The following MYLIP variants were observed in gnomAD, a reference collection of about 807,000 sequenced individuals.
MYLIP encodes myosin regulatory light chain interacting protein.
Under a neutral mutation model 45.8 loss-of-function variants are expected in MYLIP, and 26 were observed. The observed-to-expected ratio is 0.57, with a 90% CI of 0.42 to 0.79. The LOEUF (loss-of-function observed/expected upper bound fraction) is 0.79, where lower values mean the gene tolerates loss of function less well. MYLIP is among the 30% of genes least tolerant of loss of function. The probability of loss-of-function intolerance (pLI) is 0.00; values close to 1 mark genes in which losing one functional copy is unlikely to be tolerated. For synonymous variants in MYLIP, 213 were observed against 218.1 expected (o/e 0.98, Z 0.21); for missense variants, 494 against 555.6 (o/e 0.89, Z 1.11).
At chr6:16,155,923 T>TG in the MYLIP span, among the ~76,000 whole-genome samples, 2 of 152,136 alleles carry the variant, frequency 1.3e-5, no homozygotes, top group Admixed American at 1.3e-4. Flanking sequence ...TCTGCACCTG[T>TG]GGCACTGAGC....
downstream of MYLIP, among the ~76,000 whole-genome samples, chr6:16,151,054 C>G (rs1272243597): frequency 1.3e-5 from 2 of 151,976 alleles, no homozygotes; most frequent in African/African-American, 4.8e-5. Context: ...AATTTCCAAA[C>G]ACATGCATTA....
At chr6:16,139,246 C>T (rs1352081879) in intron 2 of MYLIP, among the ~76,000 whole-genome samples, 2 of 152,060 alleles carry the variant, frequency 1.3e-5, no homozygotes, top group Non-Finnish European at 2.9e-5. Context: ...AATAAAAATA[C>T]AAAAATTAGA....
At chr6:16,145,511 C>A (rs1269878839) in intron 6 of MYLIP, among the ~76,000 whole-genome samples, 194 bp downstream of exon 6, 2 of 152,172 alleles carry the variant, frequency 1.3e-5, no homozygotes, top group Non-Finnish European at 2.9e-5. Flanking sequence ...CTATTTTCAA[C>A]AACATAATTA....
At chr6:16,146,091 G>C (rs1232651885) in intron 6 of MYLIP, among the ~76,000 whole-genome samples, 1 of 152,196 alleles carries the variant, frequency 6.6e-6, no homozygotes, top group African/African-American at 2.4e-5. Flanking sequence ...GCAGTCATAG[G>C]CTTGTCTTTT....
At chr6:16,148,711 A>T (rs892340719), downstream of MYLIP, among the ~76,000 whole-genome samples, 17 of 152,128 alleles carry the variant, frequency 1.1e-4, no homozygotes, top group Admixed American at 1.0e-3. Flanking sequence ...AAGACAGGGG[A>T]GTGGCCTGGG....
At chr6:16,152,957 T>A (rs1285098802), downstream of MYLIP, among the ~76,000 whole-genome samples, 1 of 151,952 alleles carries the variant, frequency 6.6e-6, no homozygotes, top group African/African-American at 2.4e-5. Flanking sequence ...GTTGGGGAGT[T>A]AGGTTGGAAT....
the MYLIP span, among the ~76,000 whole-genome samples, chr6:16,158,863 C>G: frequency 1.3e-5 from 2 of 152,084 alleles, no homozygotes; most frequent in Non-Finnish European, 2.9e-5. Context: ...GAGCAAGACT[C>G]CGTCTCAAAA....
At chr6:16,153,638 G>A in the MYLIP span, among the ~76,000 whole-genome samples, 203 of 152,284 alleles carry the variant, frequency 1.3e-3, 1 homozygote, top group Non-Finnish European at 2.6e-3. Context: ...CACAACAAAA[G>A]TCCTTTGTGT....
intron 2 of MYLIP, among the ~76,000 whole-genome samples, chr6:16,133,725 C>A (rs1371339688): frequency 6.6e-6 from 1 of 152,136 alleles, no homozygotes; most frequent in Non-Finnish European, 1.5e-5. Context: ...GGTAATTATA[C>A]CATCCACTGC....
At chr6:16,145,583 C>G (rs758214635) in intron 6 of MYLIP, among the ~76,000 whole-genome samples, 30 of 152,178 alleles carry the variant, frequency 2.0e-4, no homozygotes, top group Non-Finnish European at 4.0e-4. Flanking sequence ...GGTAACATAT[C>G]TAGTTAGCGG....
At chr6:16,154,061 C>G in the MYLIP span, among the ~76,000 whole-genome samples, 4,001 of 152,282 alleles carry the variant, frequency 0.026, 168 homozygotes, top group African/African-American at 0.091. Context: ...ATGAACCCCA[C>G]CTCTACTTCA....
At chr6:16,134,794 A>G (rs1759517879) in intron 2 of MYLIP, among the ~76,000 whole-genome samples, 1 of 152,204 alleles carries the variant, frequency 6.6e-6, no homozygotes, top group African/African-American at 2.4e-5. Context: ...AATTTCTGAT[A>G]TAATTTTTTC....
At chr6:16,145,834 A>AG (rs1241384517) in intron 6 of MYLIP, among the ~76,000 whole-genome samples, 6 of 152,244 alleles carry the variant, frequency 3.9e-5, no homozygotes, top group Admixed American at 1.3e-4. Context: ...TTTATTAGCA[A>AG]GTCAAACTAA....
chr6:16,143,072 T>C lies in MYLIP; in HGVS notation c.517T>C (p.Tyr173His), dbSNP rs765391039. 2.5e-6 allele frequency: 4 copies of C among 1,614,212 alleles called. No homozygotes were observed. Among genetic ancestry groups the C allele is most frequent in the Non-Finnish European group, 3.4e-6 (4 of 1,180,038 alleles). Residue 173 changes from tyrosine to histidine, a missense_variant, in exon 4 of 7, where the codon TAC (tyrosine) becomes CAC (histidine). Transcript: ENST00000356840. ...LEGTSQASAEYQVLQIVSAME... is the reference protein window; with the variant it reads ...LEGTSQASAEHQVLQIVSAME... ...GGGGACCAGCCAGGCTTCAGCTGAA[T>C]ACCAAGTTTTGCAGATTGTGTCGGC...
chr6:16,146,608 G>A, intron 6 of MYLIP, 54 bp from the exon 7 acceptor site: 1 of 1,426,174 alleles, frequency 7.0e-7, no homozygotes, highest in African/African-American at 1.4e-5. Context: ...CAGAGACACA[G>A]GCCCCCCACC....
intron 2 of MYLIP, among the ~76,000 whole-genome samples, chr6:16,137,792 G>C (rs1759585705): frequency 6.6e-6 from 1 of 152,080 alleles, no homozygotes; most frequent in Non-Finnish European, 1.5e-5. Context: ...TTTTAAAAGA[G>C]AGAAAATTTG....
chr6:16,151,403 C>A (rs1248408339), downstream of MYLIP, among the ~76,000 whole-genome samples: 4 of 151,770 alleles, frequency 2.6e-5, no homozygotes. Flanking sequence ...GCACACGTCA[C>A]CACGTTTGCA....
chr6:16,153,652 A>G, the MYLIP span, among the ~76,000 whole-genome samples: 1 of 152,228 alleles, frequency 6.6e-6, no homozygotes, highest in Non-Finnish European at 1.5e-5. Flanking sequence ...TTTGTGTTCA[A>G]CACTGGAGGC....
chr6:16,131,672 GA>G (rs568843193), intron 2 of MYLIP, among the ~76,000 whole-genome samples: 48 of 152,296 alleles, frequency 3.2e-4, no homozygotes, highest in African/African-American at 1.1e-3. Context: ...CCATGCATAT[GA>G]AAAATGTGAT....
Sources: gnomAD v4.1 joint callset for allele counts (sites outside exome capture counted in the v4.1 genomes callset) on GRCh38, gnomAD v4.1.1 for gene constraint, MANE v1.5 for transcripts, NCBI Gene and HGNC (gene_info 2026-07-23, HGNC 2026-07-21) for gene names.